The following ARSG variants were observed in gnomAD, a reference collection of about 807,000 sequenced individuals.
The protein encoded by ARSG is arylsulfatase G, also known as ASG.
In ARSG, 37 loss-of-function variants were observed where a neutral mutation model predicts 50.5. The observed-to-expected ratio is 0.73, with a 90% CI of 0.56 to 0.96. The LOEUF is 0.96. Ranked by LOEUF, ARSG falls within the 50% of genes least tolerant of loss-of-function variation. The probability of loss-of-function intolerance (pLI) is 0.00; values close to 1 mark genes in which losing one functional copy is unlikely to be tolerated. For missense variants in ARSG, 629 were observed against 675.3 expected, an observed-to-expected ratio of 0.93 and a Z score of 0.76; for synonymous variants, 225 against 254.6, an observed-to-expected ratio of 0.88 and a Z score of 1.11.
chr17:68,395,279 T>A, intron 10 of ARSG, 86 bp downstream of exon 10: 1 of 1,567,738 alleles, frequency 6.4e-7, no homozygotes, highest in South Asian at 1.1e-5. Context: ...AGAACCATCA[T>A]CAGAAGATGG....
chr17:68,375,603 A>C (rs1198785704), intron 8 of ARSG, among the ~76,000 whole-genome samples: 1 of 152,212 alleles, frequency 6.6e-6, no homozygotes, highest in Non-Finnish European at 1.5e-5. Context: ...CACCAGCCAC[A>C]CTTCCAGGGC....
At position 68,292,532 on chromosome 17, in the gene ARSG, A is replaced by G. The variant is rs1555756627; in HGVS notation, c.-552+964A>G. ...TGGAAACTGCTCGGAAGCAAAGGCC[A>G]TGTTATTTGCATTCGTATGCAGACT... On this transcript the variant is annotated intron_variant, in intron 1 of 11. Coordinates refer to ENST00000621439, the MANE Select transcript of ARSG (RefSeq NM_001267727.2). Among the ~76,000 whole-genome samples the G allele has an allele frequency of 1.3e-5, 2 of 152,166 alleles. 1 individual carries two copies. Among genetic ancestry groups the G allele is most frequent in the South Asian group, 4.1e-4 (2 of 4,826 alleles).
chr17:68,329,647 C>T (rs1453211885), intron 2 of ARSG, among the ~76,000 whole-genome samples: 1 of 152,178 alleles, frequency 6.6e-6, no homozygotes, highest in African/African-American at 2.4e-5. Flanking sequence ...GTAGACCGTG[C>T]TGACTTCGAA....
intron 11 of ARSG, among the ~76,000 whole-genome samples, chr17:68,404,874 A>G (rs2081636966): frequency 6.6e-6 from 1 of 152,174 alleles, no homozygotes; most frequent in South Asian, 2.1e-4. Context: ...GGCATAAGTA[A>G]GGGTCCAACT....
At chr17:68,412,967 T>C (rs1186253955) in intron 11 of ARSG, among the ~76,000 whole-genome samples, 1 of 152,022 alleles carries the variant, frequency 6.6e-6, no homozygotes, top group Non-Finnish European at 1.5e-5. Context: ...GGTTTTCAGC[T>C]CCATCAGCTC....
chr17:68,332,886 C>G (rs1413530606), intron 2 of ARSG, among the ~76,000 whole-genome samples: 2 of 152,148 alleles, frequency 1.3e-5, no homozygotes, highest in African/African-American at 4.8e-5. Flanking sequence ...TAAGCTTGGG[C>G]CAGCTTGTAC....
intron 2 of ARSG, among the ~76,000 whole-genome samples, chr17:68,325,366 GC>G (rs782246091): frequency 2.0e-5 from 3 of 151,906 alleles, no homozygotes; most frequent in Non-Finnish European, 4.4e-5. Flanking sequence ...CAAGCTCAGG[GC>G]TCCCACTTGT....
chr17:68,303,792 T>C (rs1344125894), intron 1 of ARSG, among the ~76,000 whole-genome samples: 1 of 152,198 alleles, frequency 6.6e-6, no homozygotes, highest in East Asian at 1.9e-4. Flanking sequence ...TGAGCTTAGA[T>C]CTTAATCAAA....
downstream of ARSG, chr17:68,422,004 A>C: frequency 1.5e-6 from 1 of 657,224 alleles, no homozygotes; most frequent in East Asian, 2.7e-5. Flanking sequence ...GTAGACAAGT[A>C]TGACACAGTT....
chr17:68,447,502 C>T, the ARSG span, among the ~76,000 whole-genome samples: 1 of 152,158 alleles, frequency 6.6e-6, no homozygotes, highest in South Asian at 2.1e-4. Flanking sequence ...CTGCCTCAGC[C>T]TCCCAAGTAG....
downstream of ARSG, among the ~76,000 whole-genome samples, chr17:68,423,908 G>A (rs1157024408): frequency 6.6e-6 from 1 of 152,208 alleles, no homozygotes; most frequent in East Asian, 1.9e-4. The surrounding 1 kb of genome is among the most constrained non-coding windows in gnomAD (Gnocchi z 4.4). Context: ...TTTTATAGTA[G>A]TTACAGACTT....
At chr17:68,366,413 C>G (rs907209400) in intron 6 of ARSG, among the ~76,000 whole-genome samples, 12 of 152,140 alleles carry the variant, frequency 7.9e-5, no homozygotes, top group Admixed American at 7.9e-4. Flanking sequence ...ACTGGCCAGG[C>G]ACTGCCCTGT....
chr17:68,312,233 G>A (rs1361523415), intron 2 of ARSG, among the ~76,000 whole-genome samples: 5 of 152,108 alleles, frequency 3.3e-5, no homozygotes, highest in African/African-American at 1.2e-4. Flanking sequence ...TATATTCCTA[G>A]CATGTAACAC....
At position 68,369,563 on chromosome 17, in the gene ARSG, G is replaced by A. The variant is rs566785926; in HGVS notation, c.901+819G>A. Among the ~76,000 whole-genome samples, 63 of 151,778 alleles carry A rather than the reference G, an allele frequency of 4.2e-4. 1 individual carries two copies. Among genetic ancestry groups the A allele is most frequent in the African/African-American group, 1.4e-3 (59 of 41,378 alleles). On this transcript the variant is annotated intron_variant, in intron 7 of 11. Coordinates refer to ENST00000621439, the MANE Select transcript of ARSG (RefSeq NM_001267727.2). ...TCAAAAAAAAAAAAGCACTGCTTTC[G>A]GGTCAAGTAGAGACTTATACTCTCT...
chr17:68,347,064 CAG>C (rs1290477934), intron 3 of ARSG, 59 bp from the exon 4 acceptor site: 114 of 1,587,646 alleles, frequency 7.2e-5, no homozygotes, highest in Non-Finnish European at 8.1e-5. Flanking sequence ...ATCAGCTCCT[CAG>C]GGGGCTGTGG....
chr17:68,358,813 G>A (rs2079150951), intron 6 of ARSG, among the ~76,000 whole-genome samples: 1 of 152,104 alleles, frequency 6.6e-6, no homozygotes, highest in Non-Finnish European at 1.5e-5. Context: ...GCTGCAGTGA[G>A]CCATAATGGT....
chr17:68,281,320 G>A (rs1026511598), intron 1 of ARSG, among the ~76,000 whole-genome samples: 1 of 152,134 alleles, frequency 6.6e-6, no homozygotes, highest in African/African-American at 2.4e-5. Context: ...TGTAATCCCA[G>A]CACTTTGGGA....
intron 1 of ARSG, among the ~76,000 whole-genome samples, chr17:68,259,581 G>A (rs2075041659): frequency 6.6e-6 from 1 of 152,330 alleles, no homozygotes. Flanking sequence ...TCTAGTAGTC[G>A]TATTAGCAAA....
intron 1 of ARSG, chr17:68,268,125 T>C (rs2075211906): frequency 3.3e-5 from 5 of 152,208 alleles, no homozygotes; most frequent in Non-Finnish European, 7.3e-5. Context: ...CTTGGCCTTT[T>C]ATGAAAGTAT....
Sources: allele counts gnomAD v4.1 joint callset (sites outside exome capture counted in the v4.1 genomes callset), GRCh38; gene constraint gnomAD v4.1.1; non-coding constraint Gnocchi (gnomAD v3.1); transcripts MANE v1.5; gene names NCBI Gene and HGNC (gene_info 2026-07-23, HGNC 2026-07-21).